PLCB2: variants seen among roughly 807,000 people sequenced by gnomAD.
PLCB2 encodes 1-phosphatidylinositol 4,5-bisphosphate phosphodiesterase beta-2.
Under a neutral mutation model 141.7 loss-of-function variants are expected in PLCB2, and 115 were observed. That is an observed-to-expected ratio of 0.81 (90% CI 0.70 to 0.95). The LOEUF is 0.95. PLCB2 is among the 40% of genes least tolerant of loss of function. PLCB2 has a pLI of 0.00. For synonymous variants in PLCB2, 603 were observed against 595.6 expected, an observed-to-expected ratio of 1.01 and a Z score of -0.18; for missense variants, 1,403 against 1,541.1, an observed-to-expected ratio of 0.91 and a Z score of 1.50.
Position 40,294,292 on chromosome 15 carries a change from C to T in PLCB2, c.2035G>A (p.Val679Met), listed in dbSNP as rs2141079215. The T allele has an allele frequency of 6.2e-7, 1 of 1,614,034 alleles. No individual in the cohort carries two copies. Among genetic ancestry groups the T allele is most frequent in the Non-Finnish European group, 8.5e-7 (1 of 1,180,038 alleles). Residue 679 changes from valine (V) to methionine (M), a missense_variant, in exon 19 of 32, where the codon GTG becomes ATG. Around this residue, in one of 4 missense-constraint regions of PLCB2, gnomAD observed 975 missense variants for 1,141.1 expected, o/e 0.85. Coordinates refer to ENST00000260402, the MANE Select transcript of PLCB2 (RefSeq NM_004573.3). ...GTAATGGAAAGGGTGGTGGCCACCACCACGTCGATGCGGTCCACTGAGAAG... is the reference window on the plus strand; with the variant it reads ...GTAATGGAAAGGGTGGTGGCCACCATCACGTCGATGCGGTCCACTGAGAAG... The part of the protein sequence containing the change: ...NPFSVDRIDV[V>M]VATTLSITVI...
Position 40,290,774 on chromosome 15 carries a change from C to T in PLCB2, c.3100G>A (p.Glu1034Lys), listed in dbSNP as rs1243824622. Residue 1034 changes from glutamate to lysine, a missense_variant, in exon 28 of 32, where the codon GAG becomes AAG. Coordinates refer to ENST00000260402, the MANE Select transcript of PLCB2 (RefSeq NM_004573.3). ...KQAAELKALK[E>K]TSENDTKEMK... ...AGGCAGTCGTACTTCTCCGACGTCT[C>T]CTTCAGGGCCTTCAGCTCTGCCGCC... 1 of 1,613,892 alleles carries T rather than the reference C, an allele frequency of 6.2e-7. No individual in the cohort carries two copies. Among genetic ancestry groups the T allele is most frequent in the Non-Finnish European group, 8.5e-7 (1 of 1,179,958 alleles).
At chr15:40,289,995 G>GTC in intron 30 of PLCB2, 30 bp downstream of exon 30, 2 of 1,168,608 alleles carry the variant, frequency 1.7e-6, no homozygotes, top group Non-Finnish European at 1.3e-6. Flanking sequence ...GTGTGTGTGT[G>GTC]TGTTTAGGAA....
chr15:40,286,048 C>CT, downstream of PLCB2: 1 of 985,450 alleles, frequency 1.0e-6, no homozygotes, highest in African/African-American at 1.7e-5. Context: ...AGCCTTTGCT[C>CT]TGACTTCTCT....
At chr15:40,296,153 T>C in intron 16 of PLCB2, 143 bp downstream of exon 16, 1 of 640,888 alleles carries the variant, frequency 1.6e-6, no homozygotes, top group Non-Finnish European at 2.8e-6. Flanking sequence ...AGTTCCTCAC[T>C]AGAGAAACTG....
intron 21 of PLCB2, 42 bp downstream of exon 21, chr15:40,292,884 C>T: frequency 5.3e-6 from 7 of 1,331,076 alleles, no homozygotes; most frequent in Non-Finnish European, 7.4e-6. Flanking sequence ...TGCACAGGCT[C>T]CTGCTGCTGA....
At chr15:40,297,000 C>G (rs532936983) in intron 13 of PLCB2, 92 bp from the exon 14 acceptor site, 21 of 1,293,552 alleles carry the variant, frequency 1.6e-5, no homozygotes, top group African/African-American at 7.4e-5. Flanking sequence ...CGGCCTCCCC[C>G]ACTCCTCTTG....
chr15:40,295,839 G>A (rs1317698296), intron 16 of PLCB2, among the ~76,000 whole-genome samples: 1 of 152,186 alleles, frequency 6.6e-6, no homozygotes, highest in African/African-American at 2.4e-5. Flanking sequence ...TGCAGAGAGT[G>A]AGAGCAACGT....
At chr15:40,296,958 G>C (rs376818292) in intron 13 of PLCB2, 50 bp from the exon 14 acceptor site, 6 of 1,591,582 alleles carry the variant, frequency 3.8e-6, no homozygotes, top group Non-Finnish European at 5.1e-6. Flanking sequence ...TCATGGCATA[G>C]CCTGAGCTCC....
At chr15:40,302,437 C>T (rs770111383) in intron 4 of PLCB2, 32 bp downstream of exon 4, 13 of 1,613,266 alleles carry the variant, frequency 8.1e-6, no homozygotes, top group South Asian at 1.1e-5. Flanking sequence ...ATCCCAGGGG[C>T]CCAGACCCAG....
chr15:40,292,102 A>G lies in PLCB2; in HGVS notation c.2488T>C (p.Ser830Pro). 6.2e-7 allele frequency: 1 copy of G among 1,614,172 alleles called. No homozygotes were observed. The highest frequency in any genetic ancestry group is 2.2e-5 in the East Asian group (1 of 44,880). ...CCCATGGCCTCCTTGAGCTTCACAG[A>G]CTTCGTGTCATGGGCACTGAAGAAC... Reference protein sequence around the residue: ...IKFFSAHDTKSVKLKEAMGGL... With the variant: ...IKFFSAHDTKPVKLKEAMGGL... The change falls in exon 23 of 32, where the codon TCT (serine) becomes CCT (proline). Residue 830 changes from serine to proline, a missense_variant. Physicochemically the swap from Ser to Pro is moderately conservative, Grantham distance 74. Around this residue, in one of 4 missense-constraint regions of PLCB2, gnomAD observed 975 missense variants for 1,141.1 expected, o/e 0.85. Coordinates refer to ENST00000260402, the MANE Select transcript of PLCB2 (RefSeq NM_004573.3).
chr15:40,290,916 G>T, intron 27 of PLCB2, 79 bp from the exon 28 acceptor site: 1 of 1,401,584 alleles, frequency 7.1e-7, no homozygotes, highest in Non-Finnish European at 9.7e-7. Context: ...TCGGTGGAGG[G>T]GAGTCGGTGA....
intron 1 of PLCB2, among the ~76,000 whole-genome samples, chr15:40,304,648 G>A (rs910326751): frequency 1.3e-4 from 20 of 152,078 alleles, no homozygotes; most frequent in African/African-American, 4.3e-4. Flanking sequence ...GTAACCGGGG[G>A]GATGTGAGTC....
At position 40,288,842 on chromosome 15, in the gene PLCB2, G is replaced by A. The variant is rs200014977; in HGVS notation, c.3431C>T (p.Ala1144Val). Residue 1144 changes from alanine (A) to valine (V), a missense_variant, in exon 32 of 32, where the codon GCC becomes GTC. Ala to Val is a moderately conservative substitution (Grantham distance 64). This residue lies in a region of PLCB2 where 132 missense variants were observed against 132.4 expected (regional missense o/e 1.00). Coordinates refer to ENST00000260402, the MANE Select transcript of PLCB2 (RefSeq NM_004573.3). ...GGAGGGAAAGCAGGTCCTGAGGCAG[G>A]CCCTCACCGACTCCTTCACCTCTGC... ...LEAEVKESVR[A>V]CLRTCFPSEA... The A allele has an allele frequency of 1.2e-5, 19 of 1,614,058 alleles. No homozygotes were observed. In the East Asian group the frequency reaches 3.1e-4, roughly 27 times the overall value.
chr15:40,296,382 C>A lies in PLCB2; in HGVS notation c.1610G>T (p.Gly537Val). Residue 537 changes from glycine to valine, a missense_variant, in exon 16 of 32, where the codon GGC (glycine) becomes GTC (valine). Transcript: ENST00000260402. Reference protein sequence around the residue: ...KKMQSDEGTAGLEVTAYEEMS... With the variant: ...KKMQSDEGTAVLEVTAYEEMS... ...CTCCTCATAAGCCGTCACTTCCAGGCCCGCTGTGCCCTAAGGAGAAGAGGG... is the reference window on the plus strand; with the variant it reads ...CTCCTCATAAGCCGTCACTTCCAGGACCGCTGTGCCCTAAGGAGAAGAGGG... 1 of 1,613,742 alleles carries A rather than the reference C, an allele frequency of 6.2e-7. No individual in the cohort carries two copies. Among genetic ancestry groups the A allele is most frequent in the East Asian group, 2.2e-5 (1 of 44,880 alleles).
downstream of PLCB2, chr15:40,285,385 G>T: frequency 3.0e-6 from 1 of 334,308 alleles, no homozygotes; most frequent in Non-Finnish European, 4.3e-6. Flanking sequence ...CATATTCTCA[G>T]CTGCAAAATG....
At chr15:40,294,454 C>T (rs1249531017) in intron 18 of PLCB2, 34 bp from the exon 19 acceptor site, 1 of 1,612,016 alleles carries the variant, frequency 6.2e-7, no homozygotes, top group African/African-American at 1.3e-5. Flanking sequence ...GAGGAAGGCC[C>T]AGCCCTGGGG....
intron 18 of PLCB2, 126 bp from the exon 19 acceptor site, chr15:40,294,546 G>C: frequency 1.1e-6 from 1 of 923,092 alleles, no homozygotes; most frequent in Non-Finnish European, 1.7e-6. Flanking sequence ...GAGGATGAGG[G>C]CTTCTCCTGT....
In PLCB2 at chr15:40,291,919, G is replaced by T; in HGVS notation, c.2532C>A (p.Pro844=). The change falls in exon 24 of 32, where the codon CCC becomes CCA. Residue 844 remains proline (P), a synonymous_variant. Coordinates refer to ENST00000260402, the MANE Select transcript of PLCB2 (RefSeq NM_004573.3). ...KEAMGGLPEK[P]FPLASPVASQ... ...TGGCAACTGGACTCGCCAGTGGGAA[G>T]GGCTTCTGTGTAGGGAGAGCAGGTC... The T allele has an allele frequency of 6.2e-7, 1 of 1,614,148 alleles. No individual in the cohort carries two copies. The highest frequency in any genetic ancestry group is 8.5e-7 in the Non-Finnish European group (1 of 1,180,008).
chr15:40,291,729 G>T, intron 24 of PLCB2, 79 bp from the exon 25 acceptor site: 1 of 1,602,906 alleles, frequency 6.2e-7, no homozygotes. Flanking sequence ...ACCGCCCCCT[G>T]GGAGTCGCAG....
Sources: allele counts gnomAD v4.1 joint callset (sites outside exome capture counted in the v4.1 genomes callset), GRCh38; gene constraint gnomAD v4.1.1; regional missense constraint gnomAD v4.1.1; transcripts MANE v1.5; gene names NCBI Gene and HGNC (gene_info 2026-07-23, HGNC 2026-07-21).